Variants in SECISBP2 observed in about 807,000 individuals in gnomAD.
SECISBP2 encodes the protein SECIS binding protein 2.
Under a neutral mutation model 98.2 loss-of-function variants are expected in SECISBP2, and 96 were observed. The observed-to-expected ratio is 0.98, with a 90% CI of 0.83 to 1.16. The LOEUF (loss-of-function observed/expected upper bound fraction) is 1.16. Ranked by LOEUF, SECISBP2 falls within the 50% of genes most tolerant of loss-of-function variation. SECISBP2 has a pLI of 0.00. For synonymous variants in SECISBP2, 407 were observed against 370.2 expected, an observed-to-expected ratio of 1.10 and a Z score of -1.14; for missense variants, 1,046 against 1,022.9, an observed-to-expected ratio of 1.02 and a Z score of -0.31.
At chr9:89,350,943 C>G (rs576923360) in intron 14 of SECISBP2, 91 bp downstream of exon 14, 1 of 1,064,530 alleles carries the variant, frequency 9.4e-7, no homozygotes, top group East Asian at 2.4e-5. Context: ...GCGGCCCATG[C>G]CACAGGTCTT....
Position 89,339,893 on chromosome 9 carries a change from T to TG in SECISBP2, c.1243dup (p.Ala415GlyfsTer3). The TG allele has an allele frequency of 2.5e-6, 4 of 1,613,904 alleles. No homozygotes were observed. The highest frequency in any genetic ancestry group is 3.4e-6 in the Non-Finnish European group (4 of 1,179,832). On this transcript the variant is annotated frameshift_variant, in exon 9 of 17. Coordinates refer to ENST00000375807, the MANE Select transcript of SECISBP2 (RefSeq NM_024077.5). LOFTEE classifies it high-confidence loss of function. ...CCGAGGAATTTCCCAACCTGGCAGT[T>TG]GCATCTGAAAGAAGAGACAGAATAG... is the stretch of plus-strand genomic sequence containing the variant.
chr9:89,365,816 C>A, the SECISBP2 span, among the ~76,000 whole-genome samples: 1 of 152,224 alleles, frequency 6.6e-6, no homozygotes, highest in Non-Finnish European at 1.5e-5. Flanking sequence ...CTTTCCATTT[C>A]TGTGGCACAT....
At chr9:89,324,935 G>A (rs558463357) in intron 2 of SECISBP2, 5 of 180,212 alleles carry the variant, frequency 2.8e-5, no homozygotes, top group South Asian at 1.1e-4. Flanking sequence ...TAACATCCAC[G>A]GTGCCGTGCG....
At chr9:89,350,444 G>C (rs1157575360) in intron 13 of SECISBP2, among the ~76,000 whole-genome samples, 188 bp from the exon 14 acceptor site, 3 of 152,244 alleles carry the variant, frequency 2.0e-5, no homozygotes, top group Non-Finnish European at 2.9e-5. Flanking sequence ...AATGGGGGAA[G>C]ATGCCCCAGT....
intron 6 of SECISBP2, among the ~76,000 whole-genome samples, chr9:89,333,510 G>A (rs552518698): frequency 6.6e-5 from 10 of 152,332 alleles, no homozygotes; most frequent in Non-Finnish European, 1.5e-4. Context: ...CTGCCATCTG[G>A]CTCTGTAGAT....
intron 6 of SECISBP2, 21 bp downstream of exon 6, chr9:89,333,007 G>A (rs750237612): frequency 6.3e-7 from 1 of 1,596,712 alleles, no homozygotes; most frequent in South Asian, 1.1e-5. Context: ...CTGCAAAAAT[G>A]TTAATTTTTA....
downstream of SECISBP2, chr9:89,361,373 A>G (rs1451053036): frequency 6.6e-6 from 1 of 152,204 alleles, no homozygotes; most frequent in East Asian, 1.9e-4. Context: ...GACACTCAGT[A>G]TTTGCTAGGA....
At chr9:89,325,281 T>G in intron 2 of SECISBP2, 146 bp from the exon 3 acceptor site, 1 of 724,104 alleles carries the variant, frequency 1.4e-6, no homozygotes, top group Non-Finnish European at 2.3e-6. Flanking sequence ...CCAGAGATTT[T>G]ATTTGGCTTT....
intron 6 of SECISBP2, 112 bp from the exon 7 acceptor site, chr9:89,334,410 C>T: frequency 1.1e-6 from 1 of 942,810 alleles, no homozygotes; most frequent in East Asian, 2.5e-5. Context: ...AAATGATAGC[C>T]TACATTTAAT....
chr9:89,338,144 T>C (rs74647831), intron 7 of SECISBP2, among the ~76,000 whole-genome samples: 6 of 152,162 alleles, frequency 3.9e-5, no homozygotes, highest in Non-Finnish European at 7.4e-5. Context: ...CCTGGAATTA[T>C]ATGGAGAGGT....
chr9:89,320,802 G>T (rs1825672539), intron 2 of SECISBP2, among the ~76,000 whole-genome samples: 1 of 152,146 alleles, frequency 6.6e-6, no homozygotes, highest in Admixed American at 6.5e-5. Context: ...TCACATAATT[G>T]TGTAGATTTA....
chr9:89,346,301 TACTG>T (rs2131914672), intron 10 of SECISBP2, among the ~76,000 whole-genome samples: 1 of 152,356 alleles, frequency 6.6e-6, no homozygotes, highest in Admixed American at 6.5e-5. Context: ...CACAATAATT[TACTG>T]ACTATGTAGA....
Position 89,358,995 on chromosome 9 carries a change from G to A in SECISBP2, c.*171G>A, listed in dbSNP as rs140728910. On this transcript the variant is annotated 3_prime_UTR_variant, in exon 17 of 17. Coordinates refer to ENST00000375807, the MANE Select transcript of SECISBP2 (RefSeq NM_024077.5). ...AGTGTCTGCAGGCGTTCAGTGCTGC[G>A]GAGCCTGTTAAAGGTCACTCAGATG... 198 of 632,792 alleles carry A rather than the reference G, an allele frequency of 3.1e-4. 1 individual carries two copies. The highest frequency in any genetic ancestry group is 1.1e-3 in the East Asian group (40 of 35,754). The allele number at this position is 632,792 out of a possible 1,614,324, so 39.2% of individuals were successfully genotyped here. A position where few individuals can be genotyped will look rare whatever the true frequency, so the allele number is the denominator to read the frequency against.
chr9:89,364,159 G>A, downstream of SECISBP2: 1 of 1,005,300 alleles, frequency 9.9e-7, no homozygotes, highest in South Asian at 1.7e-5. Context: ...TGGACTTCCT[G>A]CTCTTTGACC....
chr9:89,345,300 C>T (rs886839671), intron 10 of SECISBP2, among the ~76,000 whole-genome samples: 1 of 152,154 alleles, frequency 6.6e-6, no homozygotes, highest in Admixed American at 6.5e-5. Flanking sequence ...TAAATGACCA[C>T]GCTTTGAATG....
chr9:89,327,584 A>G (rs1283294416), intron 4 of SECISBP2, among the ~76,000 whole-genome samples: 1 of 151,998 alleles, frequency 6.6e-6, no homozygotes, highest in Non-Finnish European at 1.5e-5. Flanking sequence ...ACACTTTTTA[A>G]TTAAAAACGA....
chr9:89,323,932 A>T (rs1187531085), intron 2 of SECISBP2: 1 of 152,202 alleles, frequency 6.6e-6, no homozygotes, highest in African/African-American at 2.4e-5. Context: ...ACCCCAACCA[A>T]GGTCTCCTGA....
intron 1 of SECISBP2, 146 bp from the exon 2 acceptor site, chr9:89,319,506 A>G: frequency 1.2e-6 from 1 of 854,424 alleles, no homozygotes; most frequent in Non-Finnish European, 1.9e-6. Context: ...GTTAGCAAGC[A>G]GGTTCTTGTC....
chr9:89,326,059 A>G, intron 4 of SECISBP2, 21 bp downstream of exon 4: 2 of 1,608,420 alleles, frequency 1.2e-6, no homozygotes, highest in Non-Finnish European at 1.7e-6. Context: ...CCAACAATGT[A>G]GTATAATGCG....
Sources: gnomAD v4.1 joint callset for allele counts (sites outside exome capture counted in the v4.1 genomes callset) on GRCh38, gnomAD v4.1.1 for gene constraint, MANE v1.5 for transcripts, NCBI Gene and HGNC (gene_info 2026-07-23, HGNC 2026-07-21) for gene names.